Variants in MAGI1 observed in about 807,000 individuals in gnomAD.
MAGI1 encodes the protein membrane associated guanylate kinase, WW and PDZ domain containing 1.
In MAGI1, 58 loss-of-function variants were observed where a neutral mutation model predicts 139.9. That is an observed-to-expected ratio of 0.41 (90% CI 0.34 to 0.52). The LOEUF is 0.52. MAGI1 is among the 20% of genes least tolerant of loss of function. The pLI is 0.12. For missense variants in MAGI1, 1,874 were observed against 1,901.6 expected (o/e 0.99, Z 0.27); for synonymous variants, 812 against 737.9 (o/e 1.10, Z -1.63).
chr3:65,595,735 A>C (rs1641244858), intron 2 of MAGI1, among the ~76,000 whole-genome samples: 1 of 151,240 alleles, frequency 6.6e-6, no homozygotes, highest in South Asian at 2.1e-4. Context: ...ACAGAAATAC[A>C]ACTTGAAATA....
intron 8 of MAGI1, among the ~76,000 whole-genome samples, chr3:65,441,488 A>G (rs1176986231): frequency 1.3e-5 from 2 of 152,216 alleles, no homozygotes; most frequent in Non-Finnish European, 1.5e-5. Context: ...TAACAGGCAC[A>G]TGAATCTGAA....
intron 2 of MAGI1, among the ~76,000 whole-genome samples, chr3:65,500,698 T>C (rs2077046723): frequency 6.6e-6 from 1 of 152,250 alleles, no homozygotes; most frequent in South Asian, 2.1e-4. Context: ...TTTCAAGATG[T>C]TGAGATCTCA....
chr3:65,407,442 G>T (rs1037894580), intron 12 of MAGI1, among the ~76,000 whole-genome samples: 2 of 130,748 alleles, frequency 1.5e-5, no homozygotes, highest in African/African-American at 2.6e-5. Context: ...GTGAGACTCC[G>T]TCTCAAAAAA....
chr3:66,031,402 G>A (rs749577032), intron 1 of MAGI1, among the ~76,000 whole-genome samples: 2 of 152,146 alleles, frequency 1.3e-5, no homozygotes, highest in African/African-American at 2.4e-5. Context: ...CCCCTTGGTG[G>A]ATATCATCAA....
intron 1 of MAGI1, among the ~76,000 whole-genome samples, chr3:65,860,469 CA>C (rs2059518377): frequency 1.3e-5 from 2 of 152,174 alleles, no homozygotes; most frequent in Admixed American, 6.5e-5. Context: ...CAGAGTTGAT[CA>C]GGGGCATGTC....
chr3:65,905,953 C>T (rs911186751), intron 1 of MAGI1, among the ~76,000 whole-genome samples: 7 of 152,104 alleles, frequency 4.6e-5, no homozygotes, highest in African/African-American at 1.2e-4. Context: ...TTTTAAAATA[C>T]CGAAATAAAA....
At chr3:65,984,702 A>ATTTTTTTTTTTTTTTT in intron 1 of MAGI1, among the ~76,000 whole-genome samples, 1 of 86,382 alleles carries the variant, frequency 1.2e-5, no homozygotes, top group Non-Finnish European at 2.3e-5. Flanking sequence ...TGCCTTGCTA[A>ATTTTTTTTTTTTTTTT]TTTTTTTTTC....
chr3:65,577,062 C>T (rs575282306), intron 2 of MAGI1, among the ~76,000 whole-genome samples: 2 of 152,300 alleles, frequency 1.3e-5, no homozygotes, highest in African/African-American at 2.4e-5. Flanking sequence ...TCCACATACA[C>T]ACTTAATACT....
chr3:65,570,080 AT>A (rs1464608693), intron 2 of MAGI1, among the ~76,000 whole-genome samples: 1 of 39,514 alleles, frequency 2.5e-5, no homozygotes, highest in African/African-American at 4.9e-5. Flanking sequence ...TATCATTATT[AT>A]TATTATTATT....
intron 1 of MAGI1, among the ~76,000 whole-genome samples, chr3:65,803,581 T>G (rs1002493494): frequency 2.6e-5 from 4 of 152,182 alleles, no homozygotes; most frequent in Non-Finnish European, 2.9e-5. Flanking sequence ...GGGGTACATA[T>G]GCAGGTTTGT....
At chr3:65,474,062 T>C (rs557778065) in intron 4 of MAGI1, among the ~76,000 whole-genome samples, 3 of 152,286 alleles carry the variant, frequency 2.0e-5, no homozygotes, top group Admixed American at 6.5e-5. Flanking sequence ...GCCCAGGAGT[T>C]AGACACCAGT....
At chr3:65,360,961 A>T in intron 22 of MAGI1, 1 of 1,422,216 alleles carries the variant, frequency 7.0e-7, no homozygotes, top group African/African-American at 1.4e-5. Context: ...CTCTCTGATT[A>T]TCAGAAAGGG....
At chr3:65,669,913 C>T (rs978152063) in intron 1 of MAGI1, among the ~76,000 whole-genome samples, 1 of 152,128 alleles carries the variant, frequency 6.6e-6, no homozygotes, top group Non-Finnish European at 1.5e-5. Flanking sequence ...AATTTTTTTC[C>T]TTGCAAATTG....
chr3:65,718,876 C>A (rs887036023), intron 1 of MAGI1, among the ~76,000 whole-genome samples: 1 of 151,990 alleles, frequency 6.6e-6, no homozygotes, highest in Non-Finnish European at 1.5e-5. Context: ...AGGTATTTTT[C>A]CTTCTTTTGT....
intron 1 of MAGI1, among the ~76,000 whole-genome samples, chr3:65,682,360 G>A (rs941999802): frequency 3.9e-5 from 6 of 152,170 alleles, no homozygotes; most frequent in Non-Finnish European, 8.8e-5. Flanking sequence ...TACTGGCAAA[G>A]GGAAAGAGAC....
At chr3:65,848,140 G>A (rs73832978) in intron 1 of MAGI1, among the ~76,000 whole-genome samples, 6,603 of 152,250 alleles carry the variant, frequency 0.043, 483 homozygotes, top group African/African-American at 0.15. Flanking sequence ...TTAAAAAGAA[G>A]AAGTCAGAAG....
At position 65,734,532 on chromosome 3, in the gene MAGI1, A is replaced by AGG. The variant is rs1410537268; in HGVS notation, c.314-112446_314-112445dup. On this transcript the variant is annotated intron_variant, in intron 1 of 22. Coordinates refer to ENST00000402939, the MANE Select transcript of MAGI1 (RefSeq NM_001033057.2). Reference sequence around the variant, plus strand: ...GAGAGAAAGAAAGAGAGAAAGAGAGAGGGGGAGAGAGAGAAAGAGAGAAAG... The same window carrying AGG: ...GAGAGAAAGAAAGAGAGAAAGAGAGAGGGGGGGAGAGAGAGAAAGAGAGAAAG... 1.2e-4 allele frequency among the ~76,000 whole-genome samples: 17 copies of AGG among 144,934 alleles called. No individual in the cohort carries two copies. The South Asian group carries it at 3.4e-3, about 29-fold the overall frequency.
chr3:65,721,703 G>A (rs568119938), intron 1 of MAGI1, among the ~76,000 whole-genome samples: 9 of 152,204 alleles, frequency 5.9e-5, no homozygotes, highest in East Asian at 5.8e-4. Flanking sequence ...TAATGTACTC[G>A]AAAATACTAC....
At chr3:65,926,043 T>C (rs1421835475) in intron 1 of MAGI1, among the ~76,000 whole-genome samples, 1 of 152,148 alleles carries the variant, frequency 6.6e-6, no homozygotes, top group Non-Finnish European at 1.5e-5. Flanking sequence ...ATTTTGCAGA[T>C]AAGTAAACTG....
Sources: allele counts gnomAD v4.1 joint callset (sites outside exome capture counted in the v4.1 genomes callset), GRCh38; gene constraint gnomAD v4.1.1; transcripts MANE v1.5; gene names NCBI Gene and HGNC (gene_info 2026-07-23, HGNC 2026-07-21).